TMEM178B: variants seen among roughly 807,000 people sequenced by gnomAD.
TMEM178B encodes the protein transmembrane protein 178B.
In TMEM178B, 5 loss-of-function variants were observed where a neutral mutation model predicts 31.0. The ratio of observed to expected loss-of-function variants is 0.16; its 90% CI spans 0.08 to 0.34. The LOEUF (loss-of-function observed/expected upper bound fraction) is 0.34. TMEM178B is among the 10% of genes least tolerant of loss of function. The pLI is 1.00. For synonymous variants in TMEM178B, 164 were observed against 164.0 expected, an observed-to-expected ratio of 1.00 and a Z score of 0.00; for missense variants, 275 against 400.3, an observed-to-expected ratio of 0.69 and a Z score of 2.67.
At chr7:141,229,370 C>T (rs1586838081) in intron 2 of TMEM178B, among the ~76,000 whole-genome samples, 2 of 152,164 alleles carry the variant, frequency 1.3e-5, no homozygotes, top group Admixed American at 1.3e-4. Context: ...ATTTGCCCAT[C>T]CTCTGAATCC....
chr7:141,275,660 A>G (rs1038075915), intron 2 of TMEM178B, among the ~76,000 whole-genome samples: 2 of 152,212 alleles, frequency 1.3e-5, no homozygotes, highest in Non-Finnish European at 2.9e-5. Context: ...CTCATAATGT[A>G]AATAGCTCAA....
chr7:141,084,036 C>T (rs746200913), intron 1 of TMEM178B, among the ~76,000 whole-genome samples: 14 of 152,206 alleles, frequency 9.2e-5, no homozygotes, highest in Non-Finnish European at 1.9e-4. Context: ...AACTCCTGAC[C>T]TCAGGTGATA....
intron 1 of TMEM178B, among the ~76,000 whole-genome samples, chr7:141,096,089 G>T (rs1794956523): frequency 6.6e-6 from 1 of 152,184 alleles, no homozygotes; most frequent in African/African-American, 2.4e-5. Flanking sequence ...TCAGCCTCTT[G>T]CTCTGTCTCC....
At chr7:141,467,215 C>G (rs545028284) in intron 3 of TMEM178B, among the ~76,000 whole-genome samples, 1 of 152,230 alleles carries the variant, frequency 6.6e-6, no homozygotes, top group East Asian at 1.9e-4. Context: ...ACCTAATCCA[C>G]CCTGGGGACC....
At chr7:141,237,212 G>T (rs1390583509) in intron 2 of TMEM178B, among the ~76,000 whole-genome samples, 2 of 152,164 alleles carry the variant, frequency 1.3e-5, no homozygotes, top group Non-Finnish European at 2.9e-5. Context: ...TTTATCACAA[G>T]TCTTAGAATG....
chr7:141,383,713 T>C (rs969934116), intron 2 of TMEM178B, among the ~76,000 whole-genome samples: 1 of 152,218 alleles, frequency 6.6e-6, no homozygotes, highest in Admixed American at 6.5e-5. Context: ...GCATGATTTA[T>C]AATCCTTTGG....
chr7:141,361,422 G>A (rs1799917042), intron 2 of TMEM178B, among the ~76,000 whole-genome samples: 1 of 152,162 alleles, frequency 6.6e-6, no homozygotes, highest in Non-Finnish European at 1.5e-5. Flanking sequence ...CACAGTTGGG[G>A]GAGAGGAGAA....
intron 1 of TMEM178B, among the ~76,000 whole-genome samples, chr7:141,082,927 A>T (rs1794709964): frequency 6.6e-6 from 1 of 152,206 alleles, no homozygotes; most frequent in South Asian, 2.1e-4. Context: ...TGAAGAGGTC[A>T]GTTTATTTAT....
intron 1 of TMEM178B, among the ~76,000 whole-genome samples, chr7:141,193,928 C>G (rs552444547): frequency 5.7e-4 from 87 of 152,322 alleles, no homozygotes; most frequent in African/African-American, 1.9e-3. Context: ...TCATATACTT[C>G]TTACTTGGCA....
intron 3 of TMEM178B, among the ~76,000 whole-genome samples, chr7:141,456,956 A>G (rs1187449272): frequency 1.3e-5 from 2 of 152,228 alleles, no homozygotes; most frequent in Non-Finnish European, 2.9e-5. Context: ...GCCCAGATGG[A>G]TAAGAAGCTG....
At chr7:141,138,828 C>T (rs1195632116) in intron 1 of TMEM178B, among the ~76,000 whole-genome samples, 1 of 151,232 alleles carries the variant, frequency 6.6e-6, no homozygotes, top group Non-Finnish European at 1.5e-5. Context: ...TAAAAAAATA[C>T]AAAAAATTAG....
At chr7:141,237,638 A>AT (rs1275218494) in intron 2 of TMEM178B, among the ~76,000 whole-genome samples, 2 of 152,184 alleles carry the variant, frequency 1.3e-5, no homozygotes, top group Non-Finnish European at 2.9e-5. Context: ...TCCTTTCAAG[A>AT]TTTTTTTTGT....
At chr7:141,265,123 C>T (rs1798075975) in intron 2 of TMEM178B, among the ~76,000 whole-genome samples, 1 of 152,238 alleles carries the variant, frequency 6.6e-6, no homozygotes, top group African/African-American at 2.4e-5. Context: ...TATACTCAAC[C>T]TGTTACAAGT....
chr7:141,304,841 G>T (rs547023070), intron 2 of TMEM178B, among the ~76,000 whole-genome samples: 2 of 152,110 alleles, frequency 1.3e-5, no homozygotes, highest in African/African-American at 4.8e-5. Flanking sequence ...TGCAAGTCCT[G>T]TGATTTCTGT....
chr7:141,316,654 C>T (rs1459191507), intron 2 of TMEM178B, among the ~76,000 whole-genome samples: 1 of 152,150 alleles, frequency 6.6e-6, no homozygotes, highest in Non-Finnish European at 1.5e-5. Context: ...CTATTGAGTA[C>T]CTACTAAGGG....
At chr7:141,240,623 T>A (rs1197770270) in intron 2 of TMEM178B, among the ~76,000 whole-genome samples, 3 of 152,252 alleles carry the variant, frequency 2.0e-5, no homozygotes, top group African/African-American at 7.2e-5. Flanking sequence ...ATTGATTAGA[T>A]TGCATTTTAA....
chr7:141,349,692 G>A (rs1218071892), intron 2 of TMEM178B, among the ~76,000 whole-genome samples: 2 of 152,214 alleles, frequency 1.3e-5, no homozygotes, highest in East Asian at 3.8e-4. Flanking sequence ...GGGGACAGGA[G>A]TGCCAGTGGT....
the TMEM178B span, among the ~76,000 whole-genome samples, chr7:141,496,687 A>G: frequency 4.0e-5 from 6 of 151,154 alleles, no homozygotes; most frequent in African/African-American, 1.5e-4. Flanking sequence ...AAAAAAAAAA[A>G]AAAAAACCTC....
chr7:141,440,346 A>T (rs1323933440), intron 3 of TMEM178B, among the ~76,000 whole-genome samples: 1 of 152,168 alleles, frequency 6.6e-6, no homozygotes, highest in Non-Finnish European at 1.5e-5. Flanking sequence ...GCTTTTAAAA[A>T]AATACTGATG....
Sources: gnomAD v4.1 joint callset for allele counts (sites outside exome capture counted in the v4.1 genomes callset) on GRCh38, gnomAD v4.1.1 for gene constraint, MANE v1.5 for transcripts, NCBI Gene and HGNC (gene_info 2026-07-23, HGNC 2026-07-21) for gene names.